IAH1: variants seen among roughly 807,000 people sequenced by gnomAD.
IAH1 encodes isoamyl acetate hydrolyzing esterase 1 (putative).
Under a neutral mutation model 26.7 loss-of-function variants are expected in IAH1, and 24 were observed. The observed-to-expected ratio is 0.90, with a 90% CI of 0.65 to 1.26. The LOEUF (loss-of-function observed/expected upper bound fraction) is 1.26. IAH1 is among the 50% of genes most tolerant of loss of function. The pLI is 0.00. For missense variants in IAH1, 300 were observed against 299.9 expected (o/e 1.00, Z 0.00); for synonymous variants, 140 against 118.5 (o/e 1.18, Z -1.18).
At chr2:9,492,052 G>C (rs918587882), downstream of IAH1, among the ~76,000 whole-genome samples, 1 of 152,230 alleles carries the variant, frequency 6.6e-6, no homozygotes, top group Non-Finnish European at 1.5e-5. Flanking sequence ...CCCTGAGGAA[G>C]AGCTGCTCTG....
chr2:9,491,833 C>T (rs529475915), downstream of IAH1, among the ~76,000 whole-genome samples: 8 of 152,190 alleles, frequency 5.3e-5, no homozygotes, highest in Non-Finnish European at 8.8e-5. Flanking sequence ...TCCCTCCTAT[C>T]GGAGGCTTTG....
At chr2:9,502,124 C>A in the IAH1 span, 11 of 1,483,358 alleles carry the variant, frequency 7.4e-6, no homozygotes, top group Admixed American at 1.4e-4. Flanking sequence ...TTCAAAGACA[C>A]ACACACACTT....
chr2:9,491,018 T>G (rs1359647154), downstream of IAH1: 3 of 1,264,776 alleles, frequency 2.4e-6, no homozygotes, highest in Admixed American at 3.8e-5. Flanking sequence ...CAGTGAAAGC[T>G]CTTGCTGGGT....
chr2:9,488,206 G>A lies in IAH1; in HGVS notation c.624G>A (p.Leu208=). Residue 208 remains leucine (L), a synonymous_variant, in exon 6 of 6, where the codon TTG becomes TTA. Transcript: ENST00000497473. ...TGTCTCCAAAGGGGAATGAATTTTT[G>A]TTCTCGCATCTCTGGCCTTTGATAG... ...LHLSPKGNEF[L]FSHLWPLIEK... is the part of the protein sequence containing the mutation. 1.2e-6 allele frequency: 2 copies of A among 1,613,062 alleles called. No individual in the cohort carries two copies. Among genetic ancestry groups the A allele is most frequent in the Non-Finnish European group, 1.7e-6 (2 of 1,179,696 alleles).
At chr2:9,494,910 C>T (rs938721159) in intron 6 of IAH1, 3 of 984,312 alleles carry the variant, frequency 3.0e-6, no homozygotes, top group South Asian at 2.0e-5. Context: ...CTATCCATAG[C>T]CCCCACCAAG....
downstream of IAH1, chr2:9,493,595 T>C (rs556663855): frequency 2.0e-4 from 131 of 651,236 alleles, no homozygotes; most frequent in Non-Finnish European, 2.9e-4. Flanking sequence ...GTTCATTTTA[T>C]TCTAGCCAAC....
chr2:9,484,409 C>G (rs965561599), intron 4 of IAH1, 23 bp from the exon 5 acceptor site: 6 of 1,579,824 alleles, frequency 3.8e-6, no homozygotes, highest in Admixed American at 1.7e-5. Context: ...CCAACTGCCA[C>G]CTCTATTTCT....
intron 3 of IAH1, among the ~76,000 whole-genome samples, chr2:9,478,730 A>G (rs1018596611): frequency 1.3e-5 from 2 of 152,118 alleles, no homozygotes; most frequent in African/African-American, 4.8e-5. Context: ...GGCGTGTCTT[A>G]GGGAGGGATA....
chr2:9,506,776 C>T, the IAH1 span: 1 of 152,154 alleles, frequency 6.6e-6, no homozygotes, highest in African/African-American at 2.4e-5. Context: ...CTCTGGGTTC[C>T]ATTTTATCAG....
downstream of IAH1, chr2:9,493,717 CTCAG>C (rs1662339155): frequency 6.3e-7 from 1 of 1,587,258 alleles, no homozygotes; most frequent in Non-Finnish European, 8.6e-7. Context: ...TGACTCAGCT[CTCAG>C]TAAGTAATCT....
At chr2:9,480,357 A>C (rs1026261656) in intron 3 of IAH1, among the ~76,000 whole-genome samples, 1 of 152,042 alleles carries the variant, frequency 6.6e-6, no homozygotes, top group Non-Finnish European at 1.5e-5. Flanking sequence ...AAGTTTGCCT[A>C]GTGTGGTGTT....
rs1661833079 is a variant in IAH1 at position 9,489,002 on chromosome 2, G to A, written c.*673G>A. ...GTAAATGCAGCCCATCCAGAATCCT[G>A]GAGCAATAAAGTAAGAAGTAATTCA... is the stretch of plus-strand genomic sequence containing the variant. On this transcript the variant is annotated 3_prime_UTR_variant, in exon 6 of 6. Transcript: ENST00000497473. The A allele has an allele frequency of 6.6e-6, 1 of 152,136 alleles. No homozygotes were observed. Among genetic ancestry groups the A allele is most frequent in the African/African-American group, 2.4e-5 (1 of 41,416 alleles). The allele number at this position is 152,136 out of a possible 1,614,324, so 9.4% of individuals were successfully genotyped here.
At chr2:9,500,093 A>C (rs1662910320), downstream of IAH1, among the ~76,000 whole-genome samples, 1 of 37,410 alleles carries the variant, frequency 2.7e-5, no homozygotes, top group Non-Finnish European at 9.0e-5. Flanking sequence ...AAACTCATAG[A>C]TAAATGTTCA....
At position 9,481,357 on chromosome 2, in the gene IAH1, A is replaced by C; in HGVS notation, c.355A>C (p.Lys119Gln). ...ANLKSMVQYLKSVDIPENRVI... is the reference protein window; with the variant it reads ...ANLKSMVQYLQSVDIPENRVI... ...CCTAAAGAGCATGGTGCAGTACCTG[A>C]AGTCCGTGGACATCCCTGAGAATCG... is the stretch of plus-strand genomic sequence containing the variant. Residue 119 changes from lysine to glutamine, a missense_variant, in exon 4 of 6, where the codon AAG (lysine) becomes CAG (glutamine). Transcript: ENST00000497473. The C allele has an allele frequency of 1.2e-6, 2 of 1,614,194 alleles. No homozygotes were observed. Among genetic ancestry groups the C allele is most frequent in the Non-Finnish European group, 1.7e-6 (2 of 1,180,024 alleles).
At chr2:9,493,105 G>C, downstream of IAH1, 2 of 773,896 alleles carry the variant, frequency 2.6e-6, no homozygotes, top group Non-Finnish European at 2.1e-6. Context: ...ACATACTACC[G>C]AGAGCAGAAT....
intron 2 of IAH1, among the ~76,000 whole-genome samples, chr2:9,476,518 AG>A (rs1163162838): frequency 6.6e-6 from 1 of 152,256 alleles, no homozygotes; most frequent in Admixed American, 6.5e-5. Flanking sequence ...ACCACCAAAC[AG>A]GCTTTGTGTG....
intron 1 of IAH1, chr2:9,475,105 C>T (rs1034412705): frequency 2.4e-6 from 3 of 1,260,908 alleles, no homozygotes; most frequent in Admixed American, 4.7e-5. Context: ...CAGGTGGGGC[C>T]GTTAGGGGTT....
Position 9,474,650 on chromosome 2 carries a change from A to G in IAH1, c.81+3A>G. 6.5e-7 allele frequency: 1 copy of G among 1,542,378 alleles called. No homozygotes were observed. Among genetic ancestry groups the G allele is most frequent in the Non-Finnish European group, 8.7e-7 (1 of 1,147,888 alleles). ...TCTTCGGGGACTCCATCACCCAGGTACGGCCGCCCCGACGCTCGGCCTCCC... is the reference window on the plus strand; with the variant it reads ...TCTTCGGGGACTCCATCACCCAGGTGCGGCCGCCCCGACGCTCGGCCTCCC... On this transcript the variant is annotated splice_donor_region_variant and intron_variant, in intron 1 of 5. Coordinates refer to ENST00000497473, the MANE Select transcript of IAH1 (RefSeq NM_001039613.3). This position sits in a 1 kb window ranked among gnomAD's most constrained non-coding sequence, Gnocchi z 4.3.
At chr2:9,491,094 T>C (rs760627744), downstream of IAH1, 9 of 1,611,800 alleles carry the variant, frequency 5.6e-6, no homozygotes, top group South Asian at 7.7e-5. Context: ...TCATATGGTA[T>C]ACTTACACTG....
Sources: gnomAD v4.1 joint callset for allele counts (sites outside exome capture counted in the v4.1 genomes callset) on GRCh38, gnomAD v4.1.1 for gene constraint, Gnocchi (gnomAD v3.1) non-coding constraint, MANE v1.5 for transcripts, NCBI Gene and HGNC (gene_info 2026-07-23, HGNC 2026-07-21) for gene names.